Variants in CALCR observed in about 807,000 individuals in gnomAD.
CALCR encodes the protein calcitonin receptor.
In CALCR, 47 loss-of-function variants were observed where a neutral mutation model predicts 59.5. That is an observed-to-expected ratio of 0.79 (90% CI 0.63 to 1.01). CALCR has a LOEUF of 1.01. Ranked by LOEUF, CALCR falls within the 50% of genes least tolerant of loss-of-function variation. The pLI is 0.00. For missense variants in CALCR, 566 were observed against 597.1 expected (o/e 0.95, Z 0.54); for synonymous variants, 213 against 211.3 (o/e 1.01, Z -0.07).
At chr7:93,433,364 A>C (rs1463063724) in intron 13 of CALCR, among the ~76,000 whole-genome samples, 3 of 152,244 alleles carry the variant, frequency 2.0e-5, no homozygotes, top group African/African-American at 7.2e-5. Flanking sequence ...CTTTGGCATT[A>C]AAAGTTGTGT....
At chr7:93,518,789 G>A (rs1801698280) in intron 2 of CALCR, among the ~76,000 whole-genome samples, 1 of 151,852 alleles carries the variant, frequency 6.6e-6, no homozygotes, top group South Asian at 2.1e-4. Context: ...CCTTCAAGGA[G>A]CATTGTTAAG....
At chr7:93,505,677 T>A (rs1227889475) in intron 2 of CALCR, among the ~76,000 whole-genome samples, 1 of 152,148 alleles carries the variant, frequency 6.6e-6, no homozygotes, top group East Asian at 1.9e-4. Context: ...GAGAAGTAGA[T>A]AAGCCATGTC....
intron 8 of CALCR, among the ~76,000 whole-genome samples, chr7:93,460,595 A>ATG (rs1388240829): frequency 0.087 from 5,598 of 64,316 alleles, 211 homozygotes; most frequent in Middle Eastern, 0.14. Context: ...ATATATATGT[A>ATG]TATATATATA....
At chr7:93,469,112 T>C (rs1800500013) in intron 6 of CALCR, among the ~76,000 whole-genome samples, 2 of 151,824 alleles carry the variant, frequency 1.3e-5, no homozygotes, top group Admixed American at 1.3e-4. Context: ...TAAGCAATCC[T>C]GGTAGTTTTT....
rs1288351648 is a variant in CALCR, at chr7:93,517,751, C to G, written c.-26-30744G>C. Reference sequence around the variant, plus strand: ...TTGACCTCTTAGGATTTCTTTCTAACTCATGGTTGTAATGAGGATACATTT... The same window carrying G: ...TTGACCTCTTAGGATTTCTTTCTAAGTCATGGTTGTAATGAGGATACATTT... On this transcript the variant is annotated intron_variant, in intron 2 of 13. Coordinates refer to ENST00000426151, the MANE Select transcript of CALCR (RefSeq NM_001742.4). 3.9e-5 allele frequency among the ~76,000 whole-genome samples: 6 copies of G among 151,990 alleles called. No homozygotes were observed. The East Asian group carries it at 1.2e-3, about 29-fold the overall frequency.
intron 2 of CALCR, among the ~76,000 whole-genome samples, chr7:93,567,338 CT>C (rs988334768): frequency 9.9e-5 from 15 of 151,956 alleles, no homozygotes; most frequent in Admixed American, 3.3e-4. Flanking sequence ...GAAGTCTTAA[CT>C]AATTTCTCTA....
chr7:93,530,218 A>T (rs1317068423), intron 2 of CALCR, among the ~76,000 whole-genome samples: 1 of 152,184 alleles, frequency 6.6e-6, no homozygotes. Context: ...ACAGAAAGTC[A>T]GTGTCAGAAG....
At chr7:93,488,201 C>T (rs1800991541) in intron 2 of CALCR, among the ~76,000 whole-genome samples, 1 of 151,640 alleles carries the variant, frequency 6.6e-6, no homozygotes, top group Non-Finnish European at 1.5e-5. Context: ...TCTGGGCAAG[C>T]AAATGCTGAG....
intron 2 of CALCR, among the ~76,000 whole-genome samples, chr7:93,489,568 A>G (rs1801028234): frequency 6.6e-6 from 1 of 151,888 alleles, no homozygotes; most frequent in Non-Finnish European, 1.5e-5. Context: ...ACACAATAAA[A>G]TATGAAAAAG....
At chr7:93,563,195 A>G (rs1311902477) in intron 2 of CALCR, among the ~76,000 whole-genome samples, 2 of 152,210 alleles carry the variant, frequency 1.3e-5, no homozygotes, top group East Asian at 1.9e-4. Flanking sequence ...AAGAGTTGCC[A>G]TGCTCCAAAA....
chr7:93,520,391 T>C (rs1272518787), intron 2 of CALCR, among the ~76,000 whole-genome samples: 1 of 152,126 alleles, frequency 6.6e-6, no homozygotes, highest in Non-Finnish European at 1.5e-5. Flanking sequence ...CCAGCTGTTT[T>C]CCCTACATTT....
At chr7:93,431,806 T>C (rs1033997713) in intron 13 of CALCR, among the ~76,000 whole-genome samples, 4 of 152,242 alleles carry the variant, frequency 2.6e-5, no homozygotes, top group African/African-American at 9.6e-5. Flanking sequence ...TTATCCACGA[T>C]GTACGGAGAA....
intron 2 of CALCR, among the ~76,000 whole-genome samples, chr7:93,571,540 G>T (rs1312764124): frequency 6.6e-6 from 1 of 151,338 alleles, no homozygotes; most frequent in Non-Finnish European, 1.5e-5. Flanking sequence ...CACACAGATA[G>T]AAAGTTATGG....
chr7:93,451,188 G>T (rs996272561), intron 8 of CALCR, among the ~76,000 whole-genome samples: 1 of 151,852 alleles, frequency 6.6e-6, no homozygotes, highest in African/African-American at 2.4e-5. Context: ...CGTAACAATA[G>T]TTCACATTTT....
At chr7:93,467,198 T>C (rs1054680215) in intron 7 of CALCR, among the ~76,000 whole-genome samples, 5 of 151,892 alleles carry the variant, frequency 3.3e-5, no homozygotes, top group African/African-American at 1.2e-4. Context: ...TCATGTTATG[T>C]GATTACTGTA....
chr7:93,496,371 T>A (rs1218898432), intron 2 of CALCR, among the ~76,000 whole-genome samples: 4 of 151,566 alleles, frequency 2.6e-5, no homozygotes, highest in African/African-American at 4.8e-5. Flanking sequence ...AACACTTTTA[T>A]GGTGTGATAA....
chr7:93,483,628 A>C (rs1800856933), intron 3 of CALCR, among the ~76,000 whole-genome samples: 1 of 151,588 alleles, frequency 6.6e-6, no homozygotes, highest in African/African-American at 2.4e-5. Context: ...TATACAAATA[A>C]GAATTGCTGG....
intron 2 of CALCR, among the ~76,000 whole-genome samples, chr7:93,519,865 C>G (rs1177496619): frequency 6.6e-6 from 1 of 151,982 alleles, no homozygotes; most frequent in Non-Finnish European, 1.5e-5. Context: ...TTCCTTGCTT[C>G]TCCTTCACCT....
At chr7:93,459,224 C>T (rs1280374500) in intron 8 of CALCR, among the ~76,000 whole-genome samples, 1 of 152,092 alleles carries the variant, frequency 6.6e-6, no homozygotes, top group Non-Finnish European at 1.5e-5. Context: ...AACTAATCAA[C>T]CAGTTTGGTG....
Sources: allele counts gnomAD v4.1 joint callset (sites outside exome capture counted in the v4.1 genomes callset), GRCh38; gene constraint gnomAD v4.1.1; transcripts MANE v1.5; gene names NCBI Gene and HGNC (gene_info 2026-07-23, HGNC 2026-07-21).